UBASH3A: variants seen among roughly 807,000 people sequenced by gnomAD.
UBASH3A encodes ubiquitin-associated and SH3 domain-containing protein A.
In UBASH3A, 63 loss-of-function variants were observed where a neutral mutation model predicts 73.5. The ratio of observed to expected loss-of-function variants is 0.86; its 90% CI spans 0.70 to 1.06. The LOEUF is 1.06. Ranked by LOEUF, UBASH3A falls within the 50% of genes least tolerant of loss-of-function variation. The probability of loss-of-function intolerance (pLI) is 0.00; values close to 1 mark genes in which losing one functional copy is unlikely to be tolerated. For synonymous variants in UBASH3A, 363 were observed against 351.1 expected (o/e 1.03, Z -0.38); for missense variants, 860 against 859.0 (o/e 1.00, Z -0.02).
intron 7 of UBASH3A, among the ~76,000 whole-genome samples, chr21:42,422,658 T>C (rs2053358919): frequency 1.3e-5 from 2 of 152,174 alleles, no homozygotes; most frequent in African/African-American, 4.8e-5. Flanking sequence ...CAATAAAATA[T>C]TTGCAGCTTT....
intron 8 of UBASH3A, among the ~76,000 whole-genome samples, chr21:42,430,702 C>T (rs1013993157): frequency 4.6e-5 from 7 of 152,200 alleles, no homozygotes; most frequent in African/African-American, 1.7e-4. Context: ...CTCATCTTTC[C>T]ATGTTCATCC....
At chr21:42,443,463 G>T in intron 13 of UBASH3A, 45 bp downstream of exon 13, 1 of 1,493,554 alleles carries the variant, frequency 6.7e-7, no homozygotes, top group Non-Finnish European at 9.0e-7. Flanking sequence ...CTGGGGCTTG[G>T]GGAATTATCT....
rs750218016 is a variant in UBASH3A at position 42,434,885 on chromosome 21, C to T, written c.1324C>T (p.Arg442Cys). The change falls in exon 10 of 15, where the codon CGT becomes TGT. Residue 442 changes from arginine to cysteine, a missense_variant. By Grantham distance (180) the Arg-to-Cys change is radical. Coordinates refer to ENST00000319294, the MANE Select transcript of UBASH3A (RefSeq NM_018961.4). ...CCCCTGCAGTCTGCCAAGACGGAGT[C>T]GTGGGATCAAAGACTTTGAAAACGA... ...NFPCSLPRRS[R>C]GIKDFENDPP... 8 of 1,614,020 alleles carry T rather than the reference C, an allele frequency of 5.0e-6. No individual in the cohort carries two copies. The highest frequency in any genetic ancestry group is 3.3e-5 in the South Asian group (3 of 91,072).
chr21:42,436,812 G>A (rs886381197), intron 10 of UBASH3A, among the ~76,000 whole-genome samples: 1 of 149,554 alleles, frequency 6.7e-6, no homozygotes, highest in African/African-American at 2.5e-5. Context: ...TTCCTTCCAC[G>A]AGCTTCAGTG....
chr21:42,419,351 C>T (rs183600338), intron 7 of UBASH3A, among the ~76,000 whole-genome samples: 59 of 152,334 alleles, frequency 3.9e-4, no homozygotes, highest in African/African-American at 1.4e-3. Context: ...TCCTCTCCCG[C>T]TTCACTATAA....
chr21:42,445,412 G>A (rs541331093), intron 14 of UBASH3A, among the ~76,000 whole-genome samples: 6 of 152,218 alleles, frequency 3.9e-5, no homozygotes, highest in Non-Finnish European at 8.8e-5. Flanking sequence ...GCCCTGACCT[G>A]GTTTCTTCAC....
chr21:42,405,034 C>T (rs1401503625), intron 1 of UBASH3A, among the ~76,000 whole-genome samples: 1 of 152,166 alleles, frequency 6.6e-6, no homozygotes. Context: ...AAAAATGTAT[C>T]AGAAACACAC....
chr21:42,444,183 G>A (rs750519898), intron 13 of UBASH3A, among the ~76,000 whole-genome samples: 5 of 152,136 alleles, frequency 3.3e-5, no homozygotes, highest in African/African-American at 7.2e-5. Context: ...CAAAATAACC[G>A]GCTGACCTTT....
rs563521401 is a variant in UBASH3A at position 42,405,526 on chromosome 21, C to G, written c.114-782C>G. Among the ~76,000 whole-genome samples, 21 of 152,354 alleles carry G rather than the reference C, an allele frequency of 1.4e-4. No individual in the cohort carries two copies. In the East Asian group the frequency reaches 4.0e-3, roughly 29 times the overall value. ...AGAGCACCTCATAGTAAGTGCCCTG[C>G]ACCAAGGCTGCCTTGTTCAAACCTC... is the stretch of plus-strand genomic sequence containing the variant. On this transcript the variant is annotated intron_variant, in intron 1 of 14. Coordinates refer to ENST00000319294, the MANE Select transcript of UBASH3A (RefSeq NM_018961.4).
intron 5 of UBASH3A, among the ~76,000 whole-genome samples, chr21:42,414,459 G>A (rs1437991686): frequency 6.6e-6 from 1 of 152,250 alleles, no homozygotes; most frequent in Admixed American, 6.5e-5. Flanking sequence ...TGCAAAGGGT[G>A]AAGGGCCTGC....
rs749137574 is a variant in UBASH3A at position 42,409,418 on chromosome 21, G to A, written c.168-4G>A. 1.1e-5 allele frequency: 18 copies of A among 1,566,072 alleles called. 1 individual carries two copies. The South Asian group carries it at 1.5e-4, about 13-fold the overall frequency. On this transcript the variant is annotated splice_region_variant and splice_polypyrimidine_tract_variant and intron_variant, in intron 2 of 14. Coordinates refer to ENST00000319294, the MANE Select transcript of UBASH3A (RefSeq NM_018961.4). ...GGGTGATGCCGGCTTGCTCTCTGTT[G>A]CAGGCTGCATGATCATTGCAATGAC...
chr21:42,440,140 G>T (rs1042915188), intron 11 of UBASH3A, among the ~76,000 whole-genome samples: 6 of 152,232 alleles, frequency 3.9e-5, no homozygotes, highest in African/African-American at 1.4e-4. Flanking sequence ...CAGGTGACAG[G>T]GTCCCGCGAT....
chr21:42,442,393 T>G, intron 11 of UBASH3A, 59 bp from the exon 12 acceptor site: 6 of 1,567,038 alleles, frequency 3.8e-6, no homozygotes, highest in Non-Finnish European at 5.2e-6. Context: ...GGAGACTTAT[T>G]TATGCAAAGT....
intron 2 of UBASH3A, 124 bp from the exon 3 acceptor site, chr21:42,409,298 T>C (rs2053041715): frequency 1.0e-6 from 1 of 962,306 alleles, no homozygotes; most frequent in Middle Eastern, 2.6e-4. Flanking sequence ...CATGAGCATA[T>C]ATGATGTCTT....
intron 10 of UBASH3A, among the ~76,000 whole-genome samples, chr21:42,436,300 T>C (rs994703977): frequency 6.6e-6 from 1 of 152,200 alleles, no homozygotes; most frequent in Non-Finnish European, 1.5e-5. Flanking sequence ...GTTAGAGTCA[T>C]AGAGTTATAG....
chr21:42,426,626 C>A, intron 7 of UBASH3A, 71 bp from the exon 8 acceptor site: 2 of 1,573,518 alleles, frequency 1.3e-6, no homozygotes, highest in Non-Finnish European at 1.7e-6. Flanking sequence ...ACATACATGA[C>A]CAGATGCTGG....
At chr21:42,444,063 C>T (rs867556877) in intron 13 of UBASH3A, among the ~76,000 whole-genome samples, 1 of 152,378 alleles carries the variant, frequency 6.6e-6, no homozygotes, top group African/African-American at 2.4e-5. Context: ...TGACTTCCCA[C>T]GCCTTCCCCT....
At position 42,409,437 on chromosome 21, in the gene UBASH3A, C is replaced by CA; in HGVS notation, c.185dup (p.Asn62LysfsTer2). The CA allele has an allele frequency of 6.3e-7, 1 of 1,598,698 alleles. No homozygotes were observed. The highest frequency in any genetic ancestry group is 1.3e-5 in the African/African-American group (1 of 74,102). On this transcript the variant is annotated frameshift_variant, in exon 3 of 15. Coordinates refer to ENST00000319294, the MANE Select transcript of UBASH3A (RefSeq NM_018961.4). LOFTEE classifies it high-confidence loss of function. ...TCTGTTGCAGGCTGCATGATCATTGCAATGACCCTTCCCTAGACGACCCCA... is the reference window on the plus strand; with the variant it reads ...TCTGTTGCAGGCTGCATGATCATTGCAAATGACCCTTCCCTAGACGACCCCA...
At chr21:42,436,590 C>T (rs886457172) in intron 10 of UBASH3A, among the ~76,000 whole-genome samples, 2 of 152,170 alleles carry the variant, frequency 1.3e-5, no homozygotes, top group Non-Finnish European at 2.9e-5. Flanking sequence ...CTGTAAAAAT[C>T]CTGTTTCCAA....
Sources: allele counts gnomAD v4.1 joint callset (sites outside exome capture counted in the v4.1 genomes callset), GRCh38; gene constraint gnomAD v4.1.1; transcripts MANE v1.5; gene names NCBI Gene and HGNC (gene_info 2026-07-23, HGNC 2026-07-21).